The following PPP4R4 variants were observed in gnomAD, a reference collection of about 807,000 sequenced individuals.
PPP4R4 encodes the protein serine/threonine-protein phosphatase 4 regulatory subunit 4.
In PPP4R4, 70 loss-of-function variants were observed where a neutral mutation model predicts 121.8. The observed-to-expected ratio is 0.57, with a 90% CI of 0.47 to 0.70. The LOEUF (loss-of-function observed/expected upper bound fraction) is 0.70, where lower values mean the gene tolerates loss of function less well. PPP4R4 is among the 30% of genes least tolerant of loss of function. The pLI is 0.00. For synonymous variants in PPP4R4, 348 were observed against 355.7 expected (o/e 0.98, Z 0.24); for missense variants, 875 against 1,033.6 (o/e 0.85, Z 2.10).
chr14:94,224,370 G>A (rs899714321), intron 3 of PPP4R4, among the ~76,000 whole-genome samples: 1 of 152,250 alleles, frequency 6.6e-6, no homozygotes, highest in African/African-American at 2.4e-5. Context: ...GGATGTAGTG[G>A]GTGAGGATCA....
chr14:94,203,357 A>G (rs1307837599), intron 2 of PPP4R4, among the ~76,000 whole-genome samples: 2 of 152,216 alleles, frequency 1.3e-5, no homozygotes, highest in Non-Finnish European at 1.5e-5. Context: ...CTTCAGGTGG[A>G]TACACATATA....
At chr14:94,266,201 G>A (rs1318805475) in intron 22 of PPP4R4, among the ~76,000 whole-genome samples, 7 of 152,004 alleles carry the variant, frequency 4.6e-5, no homozygotes, top group African/African-American at 1.2e-4. Context: ...CTTTTAATAC[G>A]TATGAGTATG....
intron 2 of PPP4R4, among the ~76,000 whole-genome samples, chr14:94,186,588 C>T (rs1302896823): frequency 6.6e-6 from 1 of 152,332 alleles, no homozygotes; most frequent in African/African-American, 2.4e-5. Flanking sequence ...TTTATGTAGA[C>T]ATGTGCTTTC....
intron 11 of PPP4R4, 97 bp downstream of exon 11, chr14:94,242,505 G>A (rs1007550209): frequency 7.7e-6 from 9 of 1,162,438 alleles, no homozygotes; most frequent in Non-Finnish European, 1.1e-5. Flanking sequence ...ATATAGACTG[G>A]ATATCTCTTT....
At chr14:94,176,996 G>A (rs1888713761) in intron 2 of PPP4R4, among the ~76,000 whole-genome samples, 1 of 151,570 alleles carries the variant, frequency 6.6e-6, no homozygotes, top group African/African-American at 2.4e-5. Flanking sequence ...CCAGTTTCAG[G>A]TACTGGCAAG....
chr14:94,199,767 C>T (rs1890074732), intron 2 of PPP4R4, among the ~76,000 whole-genome samples: 1 of 152,164 alleles, frequency 6.6e-6, no homozygotes, highest in South Asian at 2.1e-4. Flanking sequence ...TGCGGACCTG[C>T]CAGTGCCTGT....
At chr14:94,250,091 C>G (rs1893097214) in intron 14 of PPP4R4, 81 bp from the exon 15 acceptor site, 2 of 914,266 alleles carry the variant, frequency 2.2e-6, no homozygotes, top group Non-Finnish European at 3.6e-6. Context: ...TTGTCAATAA[C>G]TTAAAATTGA....
intron 20 of PPP4R4, among the ~76,000 whole-genome samples, 182 bp downstream of exon 20, chr14:94,265,129 A>G (rs1284570395): frequency 6.6e-6 from 1 of 152,226 alleles, no homozygotes; most frequent in African/African-American, 2.4e-5. Context: ...GAGTACATGA[A>G]TGAAAGGCAG....
At chr14:94,267,097 C>G in intron 23 of PPP4R4, 68 bp downstream of exon 23, 2 of 1,090,724 alleles carry the variant, frequency 1.8e-6, no homozygotes, top group East Asian at 2.5e-5. Context: ...CTTAAATGAC[C>G]TATTTCTTTA....
intron 23 of PPP4R4, among the ~76,000 whole-genome samples, chr14:94,267,581 G>C (rs1389705994): frequency 6.6e-6 from 1 of 152,146 alleles, no homozygotes; most frequent in Non-Finnish European, 1.5e-5. Flanking sequence ...AAAACAGGCA[G>C]TGGATTGACC....
chr14:94,224,151 G>T (rs8012561), intron 3 of PPP4R4, among the ~76,000 whole-genome samples: 31,092 of 152,082 alleles, frequency 0.2, 3,716 homozygotes, highest in East Asian at 0.59. Context: ...CAGATTGAAT[G>T]TAGATTCAAA....
chr14:94,225,805 C>T (rs988671519), intron 3 of PPP4R4, among the ~76,000 whole-genome samples: 9 of 152,056 alleles, frequency 5.9e-5, no homozygotes, highest in Non-Finnish European at 1.0e-4. Flanking sequence ...CTTTGGGCTA[C>T]TTTTGAGAGA....
intron 24 of PPP4R4, among the ~76,000 whole-genome samples, chr14:94,276,530 G>A (rs540335327): frequency 9.8e-4 from 149 of 152,112 alleles, no homozygotes; most frequent in Non-Finnish European, 2.0e-3. Context: ...CACATCACAT[G>A]GTAAAAACAG....
At chr14:94,234,191 T>C (rs1361333159) in intron 6 of PPP4R4, among the ~76,000 whole-genome samples, 1 of 152,194 alleles carries the variant, frequency 6.6e-6, no homozygotes, top group East Asian at 1.9e-4. Flanking sequence ...TGCCTGCTTA[T>C]TAAATACCAA....
At chr14:94,261,973 C>G (rs911746344) in intron 19 of PPP4R4, among the ~76,000 whole-genome samples, 6 of 151,906 alleles carry the variant, frequency 3.9e-5, no homozygotes, top group African/African-American at 7.2e-5. Flanking sequence ...CATCTGTATT[C>G]ATAGATTCAT....
intron 17 of PPP4R4, among the ~76,000 whole-genome samples, chr14:94,257,673 A>ACACACACG (rs1305982965): frequency 1.3e-4 from 20 of 148,850 alleles, no homozygotes; most frequent in African/African-American, 4.9e-4. Flanking sequence ...ACACACACAC[A>ACACACACG]CACTTGTTTC....
chr14:94,230,652 G>T lies in PPP4R4; in HGVS notation c.360G>T (p.Leu120=). The T allele has an allele frequency of 6.2e-7, 1 of 1,612,674 alleles. No homozygotes were observed. Among genetic ancestry groups the T allele is most frequent in the South Asian group, 1.1e-5 (1 of 91,044 alleles). Residue 120 remains leucine (L), a synonymous_variant, in exon 4 of 25, where the codon CTG becomes CTT. Transcript: ENST00000304338. The part of the protein sequence containing the change: ...LTAAMSFLTI[L]QDESVSIHAY... ...CTGCGATGTCATTTCTGACCATTCT[G>T]CAGGACGAATCAGTGTCAATTCATG...
At chr14:94,223,015 A>C (rs1277163880) in intron 3 of PPP4R4, among the ~76,000 whole-genome samples, 1 of 151,310 alleles carries the variant, frequency 6.6e-6, no homozygotes, top group Non-Finnish European at 1.5e-5. Context: ...ATCTAACCTG[A>C]TTTTTATTTT....
chr14:94,274,518 G>A lies in PPP4R4; in HGVS notation c.2450-856G>A, dbSNP rs74582097. Among the ~76,000 whole-genome samples, 966 of 152,186 alleles carry A rather than the reference G, an allele frequency of 6.3e-3. 10 individuals are homozygous for A. The highest frequency in any genetic ancestry group is 0.021 in the African/African-American group (861 of 41,530). ...TACACAAGTAAGTGCATGAAAAGATGCTTAACGTCCTAATCATTAGGGAAA... is the reference window on the plus strand; with the variant it reads ...TACACAAGTAAGTGCATGAAAAGATACTTAACGTCCTAATCATTAGGGAAA... On this transcript the variant is annotated intron_variant, in intron 23 of 24. Coordinates refer to ENST00000304338, the MANE Select transcript of PPP4R4 (RefSeq NM_058237.2).
Sources: gnomAD v4.1 joint callset for allele counts (sites outside exome capture counted in the v4.1 genomes callset) on GRCh38, gnomAD v4.1.1 for gene constraint, MANE v1.5 for transcripts, NCBI Gene and HGNC (gene_info 2026-07-23, HGNC 2026-07-21) for gene names.